Variants in PFN2 observed in about 807,000 individuals in gnomAD.
PFN2 encodes profilin-2.
In PFN2, 8 loss-of-function variants were observed where a neutral mutation model predicts 15.3. That is an observed-to-expected ratio of 0.52 (90% CI 0.31 to 0.95). The LOEUF is 0.95. PFN2 is among the 40% of genes least tolerant of loss of function. The pLI is 0.05. For synonymous variants in PFN2, 79 were observed against 67.9 expected, an observed-to-expected ratio of 1.16 and a Z score of -0.81; for missense variants, 111 against 182.3, an observed-to-expected ratio of 0.61 and a Z score of 2.25.
chr3:149,968,288 A>G, intron 2 of PFN2, 70 bp downstream of exon 2: 1 of 1,410,108 alleles, frequency 7.1e-7, no homozygotes, highest in Non-Finnish European at 9.9e-7. Context: ...TTTATTCAAA[A>G]TGTTAAAAGA....
chr3:149,966,356 G>T lies in PFN2; in HGVS notation c.*133C>A. On this transcript the variant is annotated 3_prime_UTR_variant, in exon 3 of 3. Transcript: ENST00000239940. The stretch of plus-strand genomic sequence containing the variant: ...AGACACCTTTCCCCACCAACAGAGG[G>T]ATACAAAGGAGACACAGGTTCATAC... 3 of 1,589,586 alleles carry T rather than the reference G, an allele frequency of 1.9e-6. No homozygotes were observed. The highest frequency in any genetic ancestry group is 2.6e-6 in the Non-Finnish European group (3 of 1,169,686).
chr3:149,970,748 C>T lies in PFN2; in HGVS notation c.109G>A (p.Gly37Arg), dbSNP rs1559987805. ...ACCGTAATGCTCTGAAAGACGCCCC[C>T]GGCCGTGGCTGCCCAGACGTATTTG... ...DAKYVWAATA[G>R]GVFQSITPIE... Residue 37 changes from glycine to arginine, a missense_variant, in exon 1 of 3, where the codon GGG (glycine) becomes AGG (arginine). Coordinates refer to ENST00000239940, the MANE Select transcript of PFN2 (RefSeq NM_053024.4). 1 of 1,521,062 alleles carries T rather than the reference C, an allele frequency of 6.6e-7. No individual in the cohort carries two copies. The highest frequency in any genetic ancestry group is 8.8e-7 in the Non-Finnish European group (1 of 1,131,004). 94.2% of individuals were successfully genotyped at this position (1,521,062 alleles called of 1,614,324 possible).
intron 2 of PFN2, among the ~76,000 whole-genome samples, chr3:149,967,823 A>G (rs1722735082): frequency 1.3e-5 from 2 of 152,170 alleles, no homozygotes; most frequent in South Asian, 2.1e-4. Context: ...CTCAGACACA[A>G]TCTTTGAAAA....
chr3:149,970,522 A>T, intron 1 of PFN2: 1 of 392,704 alleles, frequency 2.5e-6, no homozygotes, highest in Non-Finnish European at 4.2e-6. Flanking sequence ...CGCCGCCCCC[A>T]GCCTGTCAGC....
chr3:149,966,411 C>T lies in PFN2; in HGVS notation c.*78G>A. ...TCACCCTGCATTGCTAATAAAATTT[C>T]CAGAATTAAGACTTAAGCTTATAGC... On this transcript the variant is annotated 3_prime_UTR_variant, in exon 3 of 3. Transcript: ENST00000239940. The T allele has an allele frequency of 6.3e-7, 1 of 1,594,204 alleles. No homozygotes were observed. Among genetic ancestry groups the T allele is most frequent in the Non-Finnish European group, 8.5e-7 (1 of 1,172,540 alleles).
intron 2 of PFN2, among the ~76,000 whole-genome samples, chr3:149,967,656 T>C (rs1310736711): frequency 6.6e-6 from 1 of 152,220 alleles, no homozygotes; most frequent in African/African-American, 2.4e-5. Context: ...TTAGATGTCA[T>C]AATAAAACTC....
At position 149,965,459 on chromosome 3, in the gene PFN2, T is replaced by G. The variant is rs1043952997; in HGVS notation, c.*1030A>C. 3.5e-6 allele frequency: 5 copies of G among 1,437,654 alleles called. No homozygotes were observed. Among genetic ancestry groups the G allele is most frequent in the Non-Finnish European group, 4.5e-6 (5 of 1,103,972 alleles). 89.1% of individuals were successfully genotyped at this position (1,437,654 alleles called of 1,614,324 possible). A position where few individuals can be genotyped will look rare whatever the true frequency, so the allele number is the denominator to read the frequency against. On this transcript the variant is annotated 3_prime_UTR_variant, in exon 3 of 3. Transcript: ENST00000239940. ...GCAATGATGGAATGTCCCTGGGGAT[T>G]CAATCAGTATGGTTACTGTAAGGTC...
rs558586155 is a variant in PFN2 at position 149,966,166 on chromosome 3, C to T, written c.*323G>A. The T allele has an allele frequency of 6.2e-6, 10 of 1,612,810 alleles. No individual in the cohort carries two copies. In the African/African-American group the frequency reaches 1.2e-4, roughly 19 times the overall value. On this transcript the variant is annotated 3_prime_UTR_variant, in exon 3 of 3. Transcript: ENST00000239940. ...TTGCTAGGTAGATGGGGAGAGGCTG[C>T]TTACACATCAGACCTCCTCAGGTAT...
At position 149,965,999 on chromosome 3, in the gene PFN2, T is replaced by C. The variant is rs886336807; in HGVS notation, c.*490A>G. On this transcript the variant is annotated 3_prime_UTR_variant, in exon 3 of 3. Coordinates refer to ENST00000239940, the MANE Select transcript of PFN2 (RefSeq NM_053024.4). Reference sequence around the variant, plus strand: ...CTGCAATTATGTTGCCAGATAAGGGTTGGTTACATACAGTGGTTAACATAC... The same window carrying C: ...CTGCAATTATGTTGCCAGATAAGGGCTGGTTACATACAGTGGTTAACATAC... 4.0e-5 allele frequency: 56 copies of C among 1,409,866 alleles called. No individual in the cohort carries two copies. Among genetic ancestry groups the C allele is most frequent in the Admixed American group, 2.0e-4 (6 of 30,664 alleles). 87.3% of individuals were successfully genotyped at this position (1,409,866 alleles called of 1,614,324 possible).
intron 2 of PFN2, chr3:149,968,008 A>C (rs1295643972): frequency 5.3e-6 from 1 of 187,604 alleles, no homozygotes; most frequent in Non-Finnish European, 1.1e-5. Context: ...TCAAACACAC[A>C]CCAAAAGGGA....
chr3:149,970,005 A>AT (rs1722804023), intron 1 of PFN2, among the ~76,000 whole-genome samples: 1 of 151,956 alleles, frequency 6.6e-6, no homozygotes, highest in Non-Finnish European at 1.5e-5. Context: ...ATGAATCTCC[A>AT]TATGAGAAGA....
rs1559985530 is a variant in PFN2 at position 149,966,123 on chromosome 3, GGTT to G, written c.*363_*365del. On this transcript the variant is annotated 3_prime_UTR_variant, in exon 3 of 3. Transcript: ENST00000239940. ...TTGGTAGCATTGTGACCATAATTAG[GGTT>G]GTTGATGAAGACAGTTGCTAGGTAG... is the stretch of plus-strand genomic sequence containing the variant. 1 of 1,597,268 alleles carries G rather than the reference GGTT, an allele frequency of 6.3e-7. No homozygotes were observed. Among genetic ancestry groups the G allele is most frequent in the East Asian group, 2.2e-5 (1 of 44,782 alleles).
At position 149,966,063 on chromosome 3, in the gene PFN2, AAAT is replaced by A. The variant is rs995686123; in HGVS notation, c.*423_*425del. On this transcript the variant is annotated 3_prime_UTR_variant, in exon 3 of 3. Transcript: ENST00000239940. Reference sequence around the variant, plus strand: ...GGCAAACAGGAATCATGACATTAGAAAATAGGTAAAGAAAAATTAGCTACCATC... The same window carrying A: ...GGCAAACAGGAATCATGACATTAGAAAGGTAAAGAAAAATTAGCTACCATC... 5.9e-6 allele frequency: 9 copies of A among 1,525,478 alleles called. No homozygotes were observed. The Admixed American group carries it at 2.0e-4, about 33-fold the overall frequency. The allele number at this position is 1,525,478 out of a possible 1,614,324, so 94.5% of individuals were successfully genotyped here.
Position 149,965,032 on chromosome 3 carries a change from A to G in PFN2, c.*1457T>C, listed in dbSNP as rs1349772414. ...AGATGTAACAAAGTGCAGGGAAAGA[A>G]ATGGACAAATCAGCAACAAGATTTG... is the stretch of plus-strand genomic sequence containing the variant. On this transcript the variant is annotated 3_prime_UTR_variant, in exon 3 of 3. Coordinates refer to ENST00000239940, the MANE Select transcript of PFN2 (RefSeq NM_053024.4). 3 of 532,332 alleles carry G rather than the reference A, an allele frequency of 5.6e-6. No individual in the cohort carries two copies. Among genetic ancestry groups the G allele is most frequent in the African/African-American group, 3.9e-5 (2 of 51,938 alleles). The allele number at this position is 532,332 out of a possible 1,614,324, so 33.0% of individuals were successfully genotyped here.
At chr3:149,969,886 G>A (rs1312929386) in intron 1 of PFN2, among the ~76,000 whole-genome samples, 1 of 152,138 alleles carries the variant, frequency 6.6e-6, no homozygotes, top group Non-Finnish European at 1.5e-5. Flanking sequence ...TAAAGAGGGA[G>A]GGACTTAGAG....
chr3:149,968,216 G>A (rs2108630285), intron 2 of PFN2, 142 bp downstream of exon 2: 1 of 673,784 alleles, frequency 1.5e-6, no homozygotes, highest in South Asian at 2.0e-5. Context: ...AACTAAAGCA[G>A]TGCTTCTCCA....
In PFN2 at chr3:149,966,331, AG is replaced by A. The variant is rs1722691520; in HGVS notation, c.*157del. On this transcript the variant is annotated 3_prime_UTR_variant, in exon 3 of 3. Coordinates refer to ENST00000239940, the MANE Select transcript of PFN2 (RefSeq NM_053024.4). ...TTTTGGGGGGGGAGGGCAGAAAGAAAGACACCTTTCCCCACCAACAGAGGGA... is the reference window on the plus strand; with the variant it reads ...TTTTGGGGGGGGAGGGCAGAAAGAAAACACCTTTCCCCACCAACAGAGGGA... The A allele has an allele frequency of 8.7e-6, 14 of 1,601,060 alleles. No homozygotes were observed. Among genetic ancestry groups the A allele is most frequent in the African/African-American group, 1.3e-5 (1 of 74,770 alleles).
Position 149,966,462 on chromosome 3 carries a change from C to T in PFN2, c.*27G>A. 1 of 1,606,112 alleles carries T rather than the reference C, an allele frequency of 6.2e-7. No individual in the cohort carries two copies. Among genetic ancestry groups the T allele is most frequent in the Non-Finnish European group, 8.5e-7 (1 of 1,177,746 alleles). ...TAGGAAAGTTTAAGAGCAATTTTCCCCTAATACTTAACAGTCTGCCTAGCA... is the reference window on the plus strand; with the variant it reads ...TAGGAAAGTTTAAGAGCAATTTTCCTCTAATACTTAACAGTCTGCCTAGCA... On this transcript the variant is annotated 3_prime_UTR_variant, in exon 3 of 3. Transcript: ENST00000239940.
At position 149,966,173 on chromosome 3, in the gene PFN2, A is replaced by G. The variant is rs1296952286; in HGVS notation, c.*316T>C. The G allele has an allele frequency of 1.9e-6, 3 of 1,613,318 alleles. No individual in the cohort carries two copies. Among genetic ancestry groups the G allele is most frequent in the African/African-American group, 1.3e-5 (1 of 74,904 alleles). On this transcript the variant is annotated 3_prime_UTR_variant, in exon 3 of 3. Transcript: ENST00000239940. ...GTAGATGGGGAGAGGCTGCTTACACATCAGACCTCCTCAGGTATAAAGCGA... is the reference window on the plus strand; with the variant it reads ...GTAGATGGGGAGAGGCTGCTTACACGTCAGACCTCCTCAGGTATAAAGCGA...
Sources: allele counts gnomAD v4.1 joint callset (sites outside exome capture counted in the v4.1 genomes callset), GRCh38; gene constraint gnomAD v4.1.1; transcripts MANE v1.5; gene names NCBI Gene and HGNC (gene_info 2026-07-23, HGNC 2026-07-21).